The following AKT3 variants were observed in gnomAD, a reference collection of about 807,000 sequenced individuals.
The protein encoded by AKT3 is AKT serine/threonine kinase 3.
In AKT3, 15 loss-of-function variants were observed where a neutral mutation model predicts 65.3. The observed-to-expected ratio is 0.23, with a 90% CI of 0.15 to 0.35. AKT3 has a LOEUF of 0.35. AKT3 is among the 10% of genes least tolerant of loss of function. AKT3 has a pLI of 1.00. For synonymous variants in AKT3, 206 were observed against 183.8 expected, an observed-to-expected ratio of 1.12 and a Z score of -0.98; for missense variants, 243 against 576.5, an observed-to-expected ratio of 0.42 and a Z score of 5.92.
intron 12 of AKT3, among the ~76,000 whole-genome samples, chr1:243,534,651 C>T (rs1412325297): frequency 6.6e-6 from 1 of 152,128 alleles, no homozygotes; most frequent in Non-Finnish European, 1.5e-5. Flanking sequence ...TAAAAGTATG[C>T]TCTCAGACCA....
chr1:243,518,754 T>C (rs979037736), intron 12 of AKT3, among the ~76,000 whole-genome samples: 2 of 152,328 alleles, frequency 1.3e-5, no homozygotes, highest in East Asian at 3.9e-4. Context: ...TCATAAACTT[T>C]ATGGAAAATG....
chr1:243,751,270 G>T (rs1688795899), intron 2 of AKT3, among the ~76,000 whole-genome samples: 1 of 152,214 alleles, frequency 6.6e-6, no homozygotes, highest in Non-Finnish European at 1.5e-5. Flanking sequence ...GCAAGTTTTG[G>T]TGTGTGCAAA....
In AKT3 at chr1:243,619,966, A is replaced by AT. The variant is rs1678613974; in HGVS notation, c.562-4806dup. ...AGGAGAGTTCCCTTTAGCATCTGTGATTTTTTTGTTTTTTTGATAAAAGTC... is the reference window on the plus strand; with the variant it reads ...AGGAGAGTTCCCTTTAGCATCTGTGATTTTTTTTGTTTTTTTGATAAAAGTC... On this transcript the variant is annotated intron_variant, in intron 6 of 13. Transcript: ENST00000673466. Among the ~76,000 whole-genome samples the AT allele has an allele frequency of 2.0e-5, 2 of 97,980 alleles. 1 individual carries two copies. Among genetic ancestry groups the AT allele is most frequent in the African/African-American group, 5.3e-5 (2 of 38,044 alleles). 64.3% of individuals were successfully genotyped at this position (97,980 alleles called of 152,430 possible).
intron 5 of AKT3, 29 bp from the exon 6 acceptor site, chr1:243,637,771 AT>A: frequency 1.4e-6 from 2 of 1,444,684 alleles, no homozygotes; most frequent in Non-Finnish European, 1.9e-6. Flanking sequence ...AAAATATAAT[AT>A]GAAGTATTTG....
At chr1:243,785,613 A>C (rs1414403403) in intron 2 of AKT3, among the ~76,000 whole-genome samples, 1 of 152,210 alleles carries the variant, frequency 6.6e-6, no homozygotes, top group Non-Finnish European at 1.5e-5. Flanking sequence ...ACTTGCAAAA[A>C]GTCAATCTTG....
intron 3 of AKT3, among the ~76,000 whole-genome samples, chr1:243,694,367 A>G (rs562628492): frequency 3.3e-5 from 5 of 152,250 alleles, no homozygotes; most frequent in African/African-American, 1.2e-4. Context: ...TCAGTTGACA[A>G]TAGGGTTTAA....
intron 2 of AKT3, among the ~76,000 whole-genome samples, chr1:243,764,261 G>C (rs533506115): frequency 6.6e-6 from 1 of 152,032 alleles, no homozygotes; most frequent in Non-Finnish European, 1.5e-5. Context: ...GTTGTCATTT[G>C]TCATTATTAA....
chr1:243,759,642 G>C (rs548898359), intron 2 of AKT3, among the ~76,000 whole-genome samples: 1 of 151,966 alleles, frequency 6.6e-6, no homozygotes, highest in African/African-American at 2.4e-5. Flanking sequence ...CAATCTGAAG[G>C]TCACATCTTA....
At chr1:243,756,196 A>G (rs1689127017) in intron 2 of AKT3, among the ~76,000 whole-genome samples, 1 of 152,374 alleles carries the variant, frequency 6.6e-6, no homozygotes, top group South Asian at 2.1e-4. Context: ...TGAGTATGTC[A>G]TACAATTATT....
chr1:243,715,187 T>C (rs1266285079), intron 2 of AKT3, among the ~76,000 whole-genome samples: 3 of 151,996 alleles, frequency 2.0e-5, no homozygotes, highest in Admixed American at 6.6e-5. Context: ...ACCCAGGAAA[T>C]TGGGCATAAT....
intron 3 of AKT3, among the ~76,000 whole-genome samples, chr1:243,681,127 C>T (rs1683885563): frequency 6.6e-6 from 1 of 152,108 alleles, no homozygotes; most frequent in Non-Finnish European, 1.5e-5. Context: ...GAATTCCTTG[C>T]CACTGGGAAA....
intron 2 of AKT3, among the ~76,000 whole-genome samples, chr1:243,728,352 G>A (rs1215096325): frequency 6.6e-6 from 1 of 152,148 alleles, no homozygotes; most frequent in African/African-American, 2.4e-5. Flanking sequence ...AACCGCCAAA[G>A]TTCTAACCAG....
chr1:243,570,807 T>A (rs537599648), intron 9 of AKT3, among the ~76,000 whole-genome samples: 1 of 152,372 alleles, frequency 6.6e-6, no homozygotes. Flanking sequence ...GCTAACTATA[T>A]ACTTAGGTCT....
chr1:243,720,688 T>C (rs1168390484), intron 2 of AKT3, among the ~76,000 whole-genome samples: 3 of 152,150 alleles, frequency 2.0e-5, no homozygotes, highest in Non-Finnish European at 2.9e-5. Context: ...CCTCAAATAT[T>C]AGTATCTTAA....
At chr1:243,514,160 C>T (rs1016931095) in intron 12 of AKT3, among the ~76,000 whole-genome samples, 1 of 152,060 alleles carries the variant, frequency 6.6e-6, no homozygotes, top group Non-Finnish European at 1.5e-5. Context: ...AGAAGTTAAC[C>T]ACAAGAAATT....
At chr1:243,637,851 T>C in intron 5 of AKT3, 109 bp from the exon 6 acceptor site, 1 of 640,760 alleles carries the variant, frequency 1.6e-6, no homozygotes, top group Non-Finnish European at 2.4e-6. Flanking sequence ...TTTACCAATT[T>C]ATAAGCACAT....
intron 2 of AKT3, among the ~76,000 whole-genome samples, chr1:243,805,442 C>T (rs985567625): frequency 6.6e-6 from 1 of 152,196 alleles, no homozygotes; most frequent in Non-Finnish European, 1.5e-5. Context: ...AAATATTTCA[C>T]TTAACCAAGC....
chr1:243,727,654 C>G (rs1002246978), intron 2 of AKT3, among the ~76,000 whole-genome samples: 6 of 152,076 alleles, frequency 3.9e-5, no homozygotes, highest in African/African-American at 1.2e-4. Context: ...ACTGAAAACC[C>G]TATTCTTGCA....
chr1:243,791,279 T>C (rs1365801666), intron 2 of AKT3, among the ~76,000 whole-genome samples: 1 of 81,116 alleles, frequency 1.2e-5, no homozygotes, highest in Non-Finnish European at 2.7e-5. Flanking sequence ...AGTATGAACG[T>C]AACCATTCTT....
Sources: allele counts gnomAD v4.1 joint callset (sites outside exome capture counted in the v4.1 genomes callset), GRCh38; gene constraint gnomAD v4.1.1; transcripts MANE v1.5; gene names NCBI Gene and HGNC (gene_info 2026-07-23, HGNC 2026-07-21).